Variants in KCNK10 observed in about 807,000 individuals in gnomAD.
KCNK10 encodes potassium two pore domain channel subfamily K member 10, also known as potassium channel subfamily K member 10.
KCNK10 carries 25 observed loss-of-function variants against 47.7 expected under a neutral mutation model. The observed-to-expected ratio is 0.52, with a 90% CI of 0.38 to 0.73. KCNK10 has a LOEUF of 0.73. KCNK10 is among the 30% of genes least tolerant of loss of function. The probability of loss-of-function intolerance (pLI) is 0.00; values close to 1 mark genes in which losing one functional copy is unlikely to be tolerated. For missense variants in KCNK10, 563 were observed against 714.5 expected (o/e 0.79, Z 2.42); for synonymous variants, 303 against 285.6 (o/e 1.06, Z -0.61).
intron 4 of KCNK10, among the ~76,000 whole-genome samples, chr14:88,198,457 A>C (rs575812281): frequency 6.6e-6 from 1 of 152,334 alleles, no homozygotes; most frequent in Admixed American, 6.5e-5. Flanking sequence ...TCCATCTCAA[A>C]TGGCCTCTCC....
chr14:88,270,896 AG>A, intron 1 of KCNK10: 1 of 769,566 alleles, frequency 1.3e-6, no homozygotes, highest in Middle Eastern at 2.3e-4. Flanking sequence ...AGTAAAGTGC[AG>A]GCTCCATGCC....
At chr14:88,241,555 T>G (rs1283127963) in intron 2 of KCNK10, among the ~76,000 whole-genome samples, 2 of 152,134 alleles carry the variant, frequency 1.3e-5, no homozygotes, top group African/African-American at 2.4e-5. Flanking sequence ...GACTCCTTGA[T>G]GATAACTGAA....
intron 4 of KCNK10, among the ~76,000 whole-genome samples, chr14:88,215,792 T>C (rs2139857419): frequency 6.6e-6 from 1 of 152,302 alleles, no homozygotes; most frequent in Non-Finnish European, 1.5e-5. Context: ...TAAAGCTACC[T>C]GGAAAATGTT....
chr14:88,228,783 A>C (rs1187217077), intron 3 of KCNK10, among the ~76,000 whole-genome samples: 3 of 152,188 alleles, frequency 2.0e-5, no homozygotes, highest in African/African-American at 7.2e-5. Flanking sequence ...CAAACCTCTT[A>C]TAATAATCTA....
chr14:88,325,862 C>A (rs946045024), upstream of KCNK10, among the ~76,000 whole-genome samples: 1 of 152,058 alleles, frequency 6.6e-6, no homozygotes, highest in Non-Finnish European at 1.5e-5. Context: ...AGACAGGTTG[C>A]AGGTCCCCAT....
At chr14:88,219,343 C>G (rs1885722612) in intron 4 of KCNK10, among the ~76,000 whole-genome samples, 24 of 152,220 alleles carry the variant, frequency 1.6e-4, no homozygotes, top group Admixed American at 1.6e-3. Context: ...GACCTGGTAA[C>G]TAGCTCGGGC....
rs535741093 is a variant in KCNK10, at chr14:88,291,237, C to T, written c.53-27686G>A. On this transcript the variant is annotated intron_variant, in intron 1 of 6. Coordinates refer to ENST00000319231, the MANE Select transcript of KCNK10 (RefSeq NM_138317.3). ...GAGCACCCCGCCCCTCGTTCCCCACCACCCCAATGGAGCACCATGTCACCT... is the reference window on the plus strand; with the variant it reads ...GAGCACCCCGCCCCTCGTTCCCCACTACCCCAATGGAGCACCATGTCACCT... Among the ~76,000 whole-genome samples the T allele has an allele frequency of 3.3e-5, 5 of 152,286 alleles. No individual in the cohort carries two copies. The South Asian group carries it at 1.0e-3, about 32-fold the overall frequency.
chr14:88,247,449 C>T (rs956699949), intron 2 of KCNK10, among the ~76,000 whole-genome samples: 1 of 152,208 alleles, frequency 6.6e-6, no homozygotes, highest in Non-Finnish European at 1.5e-5. Context: ...GAGGCACCTT[C>T]AGTGCTGTGG....
At chr14:88,220,591 G>T (rs1257203118) in intron 4 of KCNK10, among the ~76,000 whole-genome samples, 1 of 140,560 alleles carries the variant, frequency 7.1e-6, no homozygotes, top group Non-Finnish European at 1.5e-5. Context: ...AGGAGCAAAG[G>T]CGACAACATG....
intron 1 of KCNK10, among the ~76,000 whole-genome samples, chr14:88,287,721 G>A (rs111733221): frequency 0.015 from 1,706 of 111,080 alleles, 35 homozygotes; most frequent in African/African-American, 0.053. Context: ...GTGTGTGTGT[G>A]TGTATCACAA....
rs114798496 is a variant in KCNK10 at position 88,318,776 on chromosome 14, A to G, written c.52+3971T>C. Among the ~76,000 whole-genome samples the G allele has an allele frequency of 5.3e-3, 804 of 152,314 alleles. 2 individuals are homozygous for G. Among genetic ancestry groups the G allele is most frequent in the African/African-American group, 0.018 (762 of 41,572 alleles). On this transcript the variant is annotated intron_variant, in intron 1 of 6. Transcript: ENST00000319231. ...ATGACTCCTTTCTCCATGGAAGGGA[A>G]GCGAAACCCAGAAAAGCTAAATGAG...
intron 3 of KCNK10, among the ~76,000 whole-genome samples, chr14:88,239,815 C>T (rs1197143783): frequency 6.6e-6 from 1 of 151,862 alleles, no homozygotes; most frequent in Non-Finnish European, 1.5e-5. Flanking sequence ...GCCGAGATTG[C>T]ACCACTGCAC....
At chr14:88,326,455 T>A, upstream of KCNK10, 1 of 1,613,068 alleles carries the variant, frequency 6.2e-7, no homozygotes, top group Non-Finnish European at 8.5e-7. Flanking sequence ...AGAAAAAACA[T>A]CCAAGAAAGA....
chr14:88,216,670 A>G (rs1029123253), intron 4 of KCNK10, among the ~76,000 whole-genome samples: 3 of 152,224 alleles, frequency 2.0e-5, no homozygotes, highest in Non-Finnish European at 2.9e-5. Context: ...TCATATATGT[A>G]GGTCACCCCA....
At position 88,185,976 on chromosome 14, in the gene KCNK10, C is replaced by A; in HGVS notation, c.1191G>T (p.Leu397=). 6.2e-7 allele frequency: 1 copy of A among 1,613,656 alleles called. No homozygotes were observed. The change falls in exon 7 of 7, where the codon CTG becomes CTT. Residue 397 remains leucine (L), a synonymous_variant. Coordinates refer to ENST00000319231, the MANE Select transcript of KCNK10 (RefSeq NM_138317.3). The surrounding 1 kb of genome is among the most constrained non-coding windows in gnomAD (Gnocchi z 4.3). ...CAAAGACAGAGCGCTTCTCGGGGGA[C>A]AGCATGTCCAGTGAGTGGGCCCGCT... ...LDQRAHSLDM[L]SPEKRSVFAA... is the part of the protein sequence containing the mutation.
intron 1 of KCNK10, among the ~76,000 whole-genome samples, chr14:88,268,103 T>A (rs11159850): frequency 0.49 from 74,099 of 151,972 alleles, 19,421 homozygotes; most frequent in East Asian, 0.84. Flanking sequence ...CTAGACTCTA[T>A]GTAAGTCTGA....
At chr14:88,282,058 C>A (rs142599152) in intron 1 of KCNK10, among the ~76,000 whole-genome samples, 13 of 152,168 alleles carry the variant, frequency 8.5e-5, no homozygotes, top group African/African-American at 2.6e-4. Context: ...CTCTTATATA[C>A]CCAGTACCTA....
At chr14:88,212,226 A>T (rs1242193859) in intron 4 of KCNK10, among the ~76,000 whole-genome samples, 1 of 151,834 alleles carries the variant, frequency 6.6e-6, no homozygotes, top group Non-Finnish European at 1.5e-5. Context: ...AGATCACTTG[A>T]GGTCAGGAGT....
intron 6 of KCNK10, 99 bp downstream of exon 6, chr14:88,187,868 G>T (rs980185257): frequency 3.0e-6 from 3 of 991,012 alleles, no homozygotes; most frequent in Non-Finnish European, 4.5e-6. Context: ...CTGCAAAACC[G>T]AGCCAGAAAC....
Sources: allele counts gnomAD v4.1 joint callset (sites outside exome capture counted in the v4.1 genomes callset), GRCh38; gene constraint gnomAD v4.1.1; non-coding constraint Gnocchi (gnomAD v3.1); transcripts MANE v1.5; gene names NCBI Gene and HGNC (gene_info 2026-07-23, HGNC 2026-07-21).